The following PARD3B variants were observed in gnomAD, a reference collection of about 807,000 sequenced individuals.
PARD3B encodes partitioning defective 3 homolog B.
PARD3B carries 103 observed loss-of-function variants against 130.2 expected under a neutral mutation model. The observed-to-expected ratio is 0.79, with a 90% CI of 0.67 to 0.93. The LOEUF (loss-of-function observed/expected upper bound fraction) is 0.93. Among genes scored for constraint, PARD3B ranks in the 40% least tolerant of loss-of-function variants. The pLI, the probability that PARD3B is intolerant of heterozygous loss-of-function variation, is 0.00. For missense variants in PARD3B, 1,609 were observed against 1,499.2 expected, an observed-to-expected ratio of 1.07 and a Z score of -1.21; for synonymous variants, 583 against 553.2, an observed-to-expected ratio of 1.05 and a Z score of -0.76.
intron 18 of PARD3B, among the ~76,000 whole-genome samples, chr2:205,359,003 T>C (rs1272412307): frequency 1.3e-5 from 2 of 152,182 alleles, no homozygotes; most frequent in Non-Finnish European, 2.9e-5. Flanking sequence ...TCGCAAACAT[T>C]TCTGGATCCT....
At chr2:205,567,794 T>G (rs2053411881) in intron 22 of PARD3B, among the ~76,000 whole-genome samples, 1 of 150,282 alleles carries the variant, frequency 6.7e-6, no homozygotes, top group Non-Finnish European at 1.5e-5. Flanking sequence ...AGTGATTTTA[T>G]TTGAGAAGCG....
intron 3 of PARD3B, among the ~76,000 whole-genome samples, chr2:205,038,385 C>CT (rs1460991490): frequency 2.0e-5 from 3 of 152,176 alleles, no homozygotes; most frequent in African/African-American, 7.2e-5. Context: ...CAAACCTCCT[C>CT]TGTCGCTTTA....
intron 1 of PARD3B, among the ~76,000 whole-genome samples, chr2:204,558,358 C>A (rs1055835356): frequency 2.0e-5 from 3 of 152,138 alleles, no homozygotes; most frequent in Non-Finnish European, 4.4e-5. Context: ...TCTCAGGATA[C>A]AAAATCAGTG....
chr2:205,423,801 AAATGG>A (rs2047054298), intron 19 of PARD3B, among the ~76,000 whole-genome samples: 1 of 152,340 alleles, frequency 6.6e-6, no homozygotes, highest in Non-Finnish European at 1.5e-5. Flanking sequence ...ACATGGATGG[AAATGG>A]AGGCCATTAT....
intron 4 of PARD3B, among the ~76,000 whole-genome samples, chr2:205,049,733 G>A (rs1313289897): frequency 6.6e-6 from 1 of 152,156 alleles, no homozygotes; most frequent in Non-Finnish European, 1.5e-5. Context: ...ATTATTACTA[G>A]CAAAGATGCA....
In PARD3B at chr2:205,366,396, G is replaced by A. The variant is rs2044611749; in HGVS notation, c.2631-34617G>A. On this transcript the variant is annotated intron_variant, in intron 18 of 22. Coordinates refer to ENST00000406610, the MANE Select transcript of PARD3B (RefSeq NM_001302769.2). The surrounding 1 kb of genome is among the most constrained non-coding windows in gnomAD (Gnocchi z 5.0). ...GGTAAAGAATTTCCTACTTATATTCGATGACAACCTAATGTTTTGTTCTCT... is the reference window on the plus strand; with the variant it reads ...GGTAAAGAATTTCCTACTTATATTCAATGACAACCTAATGTTTTGTTCTCT... 1.3e-5 allele frequency among the ~76,000 whole-genome samples: 2 copies of A among 152,062 alleles called. No homozygotes were observed. The highest frequency in any genetic ancestry group is 2.9e-5 in the Non-Finnish European group (2 of 68,022).
chr2:205,334,087 A>C (rs2043227414), intron 18 of PARD3B, among the ~76,000 whole-genome samples: 2 of 152,108 alleles, frequency 1.3e-5, no homozygotes, highest in Non-Finnish European at 2.9e-5. Flanking sequence ...TCTTGTGGAA[A>C]TATGTATTTA....
At chr2:205,272,959 A>G (rs1033210056) in intron 16 of PARD3B, among the ~76,000 whole-genome samples, 2 of 152,224 alleles carry the variant, frequency 1.3e-5, no homozygotes, top group East Asian at 1.9e-4. Context: ...GGCATAAACA[A>G]TAAGTAGTTA....
At chr2:204,970,566 C>T (rs767263680) in intron 3 of PARD3B, among the ~76,000 whole-genome samples, 16 of 152,180 alleles carry the variant, frequency 1.1e-4, no homozygotes, top group Non-Finnish European at 1.8e-4. Context: ...CTCCATGCCT[C>T]TGCCAATTTC....
chr2:204,560,142 TG>T (rs1390264089), intron 1 of PARD3B, among the ~76,000 whole-genome samples: 1 of 152,162 alleles, frequency 6.6e-6, no homozygotes, highest in Non-Finnish European at 1.5e-5. Context: ...ACCTATGTAA[TG>T]AGCCTGCATG....
At chr2:205,554,952 G>A (rs929747292) in intron 22 of PARD3B, among the ~76,000 whole-genome samples, 8 of 151,882 alleles carry the variant, frequency 5.3e-5, no homozygotes, top group African/African-American at 1.9e-4. Flanking sequence ...TGCAGTCCTG[G>A]AACCATTCCC....
chr2:205,474,235 A>G (rs940476415), intron 20 of PARD3B, among the ~76,000 whole-genome samples: 3 of 152,050 alleles, frequency 2.0e-5, no homozygotes, highest in African/African-American at 7.2e-5. Flanking sequence ...TAAATTTAAT[A>G]GCAAAAAGCT....
intron 3 of PARD3B, among the ~76,000 whole-genome samples, chr2:204,974,439 T>C (rs749849949): frequency 6.6e-6 from 1 of 152,232 alleles, no homozygotes; most frequent in Non-Finnish European, 1.5e-5. Flanking sequence ...AACTTCAATG[T>C]CCATTTTGTT....
intron 19 of PARD3B, among the ~76,000 whole-genome samples, chr2:205,438,109 C>T (rs1369514980): frequency 6.6e-6 from 1 of 151,624 alleles, no homozygotes; most frequent in African/African-American, 2.4e-5. Flanking sequence ...TACTATTTTA[C>T]CTGTTGAATG....
chr2:205,084,259 A>T (rs1473141318), intron 4 of PARD3B, among the ~76,000 whole-genome samples: 1 of 152,120 alleles, frequency 6.6e-6, no homozygotes, highest in Non-Finnish European at 1.5e-5. Context: ...TATATATAGA[A>T]AACAATCCTG....
chr2:205,125,886 G>T lies in PARD3B; in HGVS notation c.1434+149G>T, dbSNP rs1397801940. On this transcript the variant is annotated intron_variant, in intron 10 of 22. Transcript: ENST00000406610. The surrounding 1 kb of genome is among the most constrained non-coding windows in gnomAD (Gnocchi z 4.0). ...ACTCAGGGTATTTTACCCCATTTGGGGTATCGCATTTTTAAAACATTGATA... is the reference window on the plus strand; with the variant it reads ...ACTCAGGGTATTTTACCCCATTTGGTGTATCGCATTTTTAAAACATTGATA... 1.8e-6 allele frequency: 2 copies of T among 1,116,092 alleles called. No homozygotes were observed. 69.1% of individuals were successfully genotyped at this position (1,116,092 alleles called of 1,614,324 possible). A position where few individuals can be genotyped will look rare whatever the true frequency, so the allele number is the denominator to read the frequency against.
intron 18 of PARD3B, among the ~76,000 whole-genome samples, chr2:205,332,059 C>T (rs1445802617): frequency 7.2e-5 from 11 of 151,978 alleles, no homozygotes; most frequent in Admixed American, 3.3e-4. Context: ...GAGCCGAAAT[C>T]GTGCCATTGT....
At chr2:204,781,741 C>T (rs1431254118) in intron 2 of PARD3B, among the ~76,000 whole-genome samples, 1 of 151,990 alleles carries the variant, frequency 6.6e-6, no homozygotes, top group African/African-American at 2.4e-5. Flanking sequence ...CTGTAGTAAC[C>T]AAGTCCAGTA....
intron 13 of PARD3B, among the ~76,000 whole-genome samples, chr2:205,182,144 T>G (rs1172066287): frequency 6.6e-6 from 1 of 151,982 alleles, no homozygotes; most frequent in South Asian, 2.1e-4. Flanking sequence ...TACAAAAAAT[T>G]AGCTGGGCTT....
Sources: gnomAD v4.1 joint callset for allele counts (sites outside exome capture counted in the v4.1 genomes callset) on GRCh38, gnomAD v4.1.1 for gene constraint, Gnocchi (gnomAD v3.1) non-coding constraint, MANE v1.5 for transcripts, NCBI Gene and HGNC (gene_info 2026-07-23, HGNC 2026-07-21) for gene names.